NXF3: variants seen among roughly 807,000 people sequenced by gnomAD.
The protein encoded by NXF3 is nuclear RNA export factor 3, also known as TAP-like protein 3.
A neutral mutation model predicts 48.4 loss-of-function variants in NXF3; 34 were observed. That is an observed-to-expected ratio of 0.70 (90% CI 0.53 to 0.93). NXF3 has a LOEUF of 0.93. NXF3 is among the 40% of genes least tolerant of loss of function. The pLI is 0.00. For missense variants in NXF3, 359 were observed against 406.1 expected (o/e 0.88, Z 1.00); for synonymous variants, 132 against 145.7 (o/e 0.91, Z 0.68).
intron 17 of NXF3, among the ~76,000 whole-genome samples, chrX:103,078,345 C>T (rs982263419): frequency 7.1e-5 from 8 of 112,066 alleles, no homozygotes; most frequent in Non-Finnish European, 1.3e-4. Context: ...AGGCTGGTCT[C>T]AAACTCTCGG....
chrX:103,092,689 G>T (rs935770471), intron 1 of NXF3, among the ~76,000 whole-genome samples: 1 of 112,771 alleles, frequency 8.9e-6, no homozygotes, highest in African/African-American at 3.2e-5. Context: ...GGGGTGGGAG[G>T]TAATACAATC....
chrX:103,090,598 T>C (rs1303759348), intron 1 of NXF3, among the ~76,000 whole-genome samples: 1 of 112,245 alleles, frequency 8.9e-6, no homozygotes, highest in Admixed American at 9.5e-5. Context: ...TACTTAAATA[T>C]AGTGGAAAAT....
In NXF3 at chrX:103,079,225, C is replaced by A; in HGVS notation, c.1374G>T (p.Lys458Asn). The A allele has an allele frequency of 8.3e-7, 1 of 1,211,247 alleles. No individual in the cohort carries two copies. Among genetic ancestry groups the A allele is most frequent in the Non-Finnish European group, 1.1e-6 (1 of 894,998 alleles). ...MLCFSVNGVF[K>N]EVEGQSQGSV... is the part of the protein sequence containing the mutation. ...AGGGACTCTACAGACACTCACCTTC[C>A]TTGAACACCCCGTTGACAGAAAAGC... Residue 458 changes from lysine (K) to asparagine (N), a missense_variant, in exon 16 of 20, where the codon AAG (lysine) becomes AAT (asparagine). By Grantham distance (94) the Lys-to-Asn change is moderately conservative (BLOSUM62 0). Coordinates refer to ENST00000395065, the MANE Select transcript of NXF3 (RefSeq NM_022052.2).
chrX:103,083,828 T>A, intron 3 of NXF3, 136 bp from the exon 4 acceptor site: 1 of 441,538 alleles, frequency 2.3e-6, no homozygotes. Flanking sequence ...TGCTAACTTA[T>A]GTATTTCATT....
At position 103,079,816 on chromosome X, in the gene NXF3, G is replaced by A. The variant is rs750599908; in HGVS notation, c.1107C>T (p.His369=). 30 of 1,209,115 alleles carry A rather than the reference G, an allele frequency of 2.5e-5. No homozygotes were observed. In the Admixed American group the frequency reaches 6.3e-4, roughly 26 times the overall value. The change falls in exon 13 of 20, where the codon CAC becomes CAT. Residue 369 remains histidine, a synonymous_variant. Transcript: ENST00000395065. ...TGCTCAGGGAGAAGCAGGCCTCATC[G>A]TGGTAAGCACTAAGGAGACCCTGTC... ...GDRQGLLSAY[H]DEACFSLSIP...
chrX:103,084,452 G>A lies in NXF3; in HGVS notation c.241C>T (p.Arg81Cys), dbSNP rs764300277. ...TTAACGTGGGTTTGGTCTTGTTTAC[G>A]AAAACTGCCTTTCCGATTATAGGGT... ...ISPYNRKGSF[R>C]KQDQTHVNME... The change falls in exon 3 of 20, where the codon CGT (arginine) becomes TGT (cysteine). Residue 81 changes from arginine to cysteine, a missense_variant. Coordinates refer to ENST00000395065, the MANE Select transcript of NXF3 (RefSeq NM_022052.2). 1.2e-5 allele frequency: 15 copies of A among 1,209,709 alleles called. No individual in the cohort carries two copies. The highest frequency in any genetic ancestry group is 6.6e-5 in the Admixed American group (3 of 45,687).
rs371639912 is a variant in NXF3, at chrX:103,083,182, G to A, written c.621+11C>T. On this transcript the variant is annotated intron_variant, in intron 6 of 19. Transcript: ENST00000395065. The stretch of plus-strand genomic sequence containing the variant: ...GCTTTGTGTGAACAACTTGCCATGA[G>A]TCTGTGTTACCTTTATCTGCTCCAC... 2 of 1,209,457 alleles carry A rather than the reference G, an allele frequency of 1.7e-6. No individual in the cohort carries two copies. The highest frequency in any genetic ancestry group is 3.5e-5 in the African/African-American group (2 of 57,627).
At chrX:103,084,254 T>TA in intron 3 of NXF3, 88 bp downstream of exon 3, 1 of 1,059,900 alleles carries the variant, frequency 9.4e-7, no homozygotes, top group Non-Finnish European at 1.3e-6. Flanking sequence ...TTCCTGCCCT[T>TA]ACAAAAGTAT....
intron 18 of NXF3, among the ~76,000 whole-genome samples, chrX:103,076,636 C>G (rs552573405): frequency 9.0e-6 from 1 of 110,872 alleles, no homozygotes; most frequent in South Asian, 3.9e-4. Context: ...ATATTTTGTC[C>G]GCAAGGAAAT....
At chrX:103,092,234 TG>T (rs927138347) in intron 1 of NXF3, among the ~76,000 whole-genome samples, 12 of 104,810 alleles carry the variant, frequency 1.1e-4, no homozygotes, top group Admixed American at 9.8e-4. Context: ...GTAGAATTAT[TG>T]TTTTTTTTTG....
chrX:103,077,507 C>T (rs972390333), intron 18 of NXF3, 107 bp downstream of exon 18: 1 of 944,384 alleles, frequency 1.1e-6, no homozygotes, highest in South Asian at 2.2e-5. Context: ...CCGCCTCGGC[C>T]TCCCAAAGTG....
At chrX:103,079,298 C>T (rs1160411668) in intron 15 of NXF3, 35 bp from the exon 16 acceptor site, 2 of 1,210,034 alleles carry the variant, frequency 1.7e-6, no homozygotes, top group Non-Finnish European at 2.2e-6. Flanking sequence ...CAGGATCCCC[C>T]TTAACCTCCT....
intron 9 of NXF3, chrX:103,081,673 C>A (rs1372372447): frequency 3.5e-5 from 4 of 112,895 alleles, no homozygotes; most frequent in Non-Finnish European, 7.5e-5. Flanking sequence ...CTCAGGAAAC[C>A]CAGGTTTCTC....
chrX:103,083,071 C>T lies in NXF3; in HGVS notation c.624G>A (p.Leu208=), dbSNP rs1922055371. 1.7e-6 allele frequency: 2 copies of T among 1,208,627 alleles called. No homozygotes were observed. The highest frequency in any genetic ancestry group is 3.5e-5 in the African/African-American group (2 of 57,009). ...LKSEKVEQIK[L]AMNQQCDVSQ... ...AGACATCACACTGTTGGTTCATGGC[C>T]AGCTGCAGAGTTAGAGATGGGTTTC... is the stretch of plus-strand genomic sequence containing the variant. Residue 208 remains leucine, a splice_region_variant and synonymous_variant, in exon 7 of 20, where the codon CTG becomes CTA. Coordinates refer to ENST00000395065, the MANE Select transcript of NXF3 (RefSeq NM_022052.2).
Position 103,083,482 on chromosome X carries a change from A to T in NXF3, c.456T>A (p.His152Gln). The change falls in exon 5 of 20, where the codon CAT (histidine) becomes CAA (glutamine). Residue 152 changes from histidine to glutamine, a missense_variant. Transcript: ENST00000395065. ...TGGCATTCTCCACAAAGAAGCTGGC[A>T]TGCATGTTTTCATAGTGAAACTATA... ...VPVEFHYENM[H>Q]ASFFVENASI... 8.3e-7 allele frequency: 1 copy of T among 1,210,043 alleles called. No individual in the cohort carries two copies. Among genetic ancestry groups the T allele is most frequent in the Non-Finnish European group, 1.1e-6 (1 of 893,639 alleles).
chrX:103,091,909 C>T lies in NXF3; in HGVS notation c.28+1087G>A, dbSNP rs377010295. Among the ~76,000 whole-genome samples the T allele has an allele frequency of 5.3e-3, 555 of 103,931 alleles. 4 individuals carry two copies. The highest frequency in any genetic ancestry group is 0.019 in the African/African-American group (536 of 28,273). 90.3% of individuals were successfully genotyped at this position (103,931 alleles called of 115,157 possible). ...CTGAGGCAGAAGAATGGCGTGAACC[C>T]GGGAGGCAGAGCTCGCAGTGAGCCG... On this transcript the variant is annotated intron_variant, in intron 1 of 19. Coordinates refer to ENST00000395065, the MANE Select transcript of NXF3 (RefSeq NM_022052.2).
At chrX:103,086,581 C>T (rs1052008660) in intron 1 of NXF3, among the ~76,000 whole-genome samples, 28 of 109,468 alleles carry the variant, frequency 2.6e-4, no homozygotes, top group Non-Finnish European at 4.6e-4. Flanking sequence ...TATAGTAATA[C>T]GGTCTATTTA....
intron 1 of NXF3, chrX:103,087,961 C>T (rs1355935373): frequency 2.1e-6 from 2 of 944,212 alleles, no homozygotes; most frequent in African/African-American, 3.8e-5. Context: ...AGAATATTGC[C>T]CCCTGCCTAA....
At chrX:103,077,542 G>A (rs919586815) in intron 18 of NXF3, 72 bp downstream of exon 18, 83 of 1,152,472 alleles carry the variant, frequency 7.2e-5, no homozygotes, top group Non-Finnish European at 8.1e-5. Flanking sequence ...GTGAGCCACC[G>A]CGCCCGGCCC....
Sources: gnomAD v4.1 joint callset for allele counts (sites outside exome capture counted in the v4.1 genomes callset) on GRCh38, gnomAD v4.1.1 for gene constraint, MANE v1.5 for transcripts, NCBI Gene and HGNC (gene_info 2026-07-23, HGNC 2026-07-21) for gene names.